Variants in SNX29 observed in about 807,000 individuals in gnomAD.
SNX29 encodes sorting nexin-29.
SNX29 carries 78 observed loss-of-function variants against 102.1 expected under a neutral mutation model. That is an observed-to-expected ratio of 0.76 (90% CI 0.64 to 0.92). The LOEUF (loss-of-function observed/expected upper bound fraction) is 0.92. SNX29 is among the 40% of genes least tolerant of loss of function. SNX29 has a pLI of 0.00. For missense variants in SNX29, 1,280 were observed against 1,061.7 expected (o/e 1.21, Z -2.86); for synonymous variants, 580 against 414.5 (o/e 1.40, Z -4.85).
chr16:12,556,149 T>C (rs890975181), intron 20 of SNX29, among the ~76,000 whole-genome samples: 6 of 152,024 alleles, frequency 3.9e-5, no homozygotes, highest in African/African-American at 1.4e-4. Flanking sequence ...GTTGGAGTGG[T>C]TAAATCGCTT....
At chr16:12,475,188 T>C (rs1398612136) in intron 18 of SNX29, among the ~76,000 whole-genome samples, 1 of 152,210 alleles carries the variant, frequency 6.6e-6, no homozygotes, top group Admixed American at 6.5e-5. Context: ...GTTTGTGCAT[T>C]ACATCAGGGG....
intron 20 of SNX29, among the ~76,000 whole-genome samples, chr16:12,534,325 C>T (rs973963214): frequency 6.6e-6 from 1 of 152,230 alleles, no homozygotes; most frequent in Non-Finnish European, 1.5e-5. Context: ...GCCTCTGTGC[C>T]CAGCCAAATG....
intron 18 of SNX29, among the ~76,000 whole-genome samples, chr16:12,418,750 A>G (rs2084752044): frequency 6.6e-6 from 1 of 152,094 alleles, no homozygotes; most frequent in African/African-American, 2.4e-5. Context: ...CCTAACCTCA[A>G]GTGATCCACC....
chr16:12,207,548 T>G (rs913238806), intron 14 of SNX29, among the ~76,000 whole-genome samples: 1 of 152,100 alleles, frequency 6.6e-6, no homozygotes, highest in African/African-American at 2.4e-5. Flanking sequence ...CCGCAGTGTC[T>G]CGCTCTCACT....
At chr16:12,198,568 AG>A (rs1314858112) in intron 13 of SNX29, among the ~76,000 whole-genome samples, 5 of 152,200 alleles carry the variant, frequency 3.3e-5, no homozygotes, top group Non-Finnish European at 5.9e-5. Context: ...CCTGAGGTGT[AG>A]GGGGTGGGGC....
chr16:12,029,662 G>C (rs1227679606), intron 4 of SNX29: 2 of 450,874 alleles, frequency 4.4e-6, no homozygotes, highest in Admixed American at 4.8e-5. Flanking sequence ...CATGATCTCA[G>C]CTCACTGCAA....
chr16:12,435,876 T>C (rs552452191), intron 18 of SNX29, among the ~76,000 whole-genome samples: 1 of 152,292 alleles, frequency 6.6e-6, no homozygotes, highest in African/African-American at 2.4e-5. Flanking sequence ...CAGGGCATCC[T>C]GAGAGAGGGG....
chr16:12,537,964 A>T (rs2077150535), intron 20 of SNX29, among the ~76,000 whole-genome samples: 1 of 141,992 alleles, frequency 7.0e-6, no homozygotes, highest in South Asian at 2.4e-4. Flanking sequence ...CAGCCTGGGC[A>T]ATAGAGCAAA....
intron 14 of SNX29, among the ~76,000 whole-genome samples, chr16:12,207,453 T>A (rs1376999181): frequency 6.6e-6 from 1 of 152,204 alleles, no homozygotes; most frequent in Non-Finnish European, 1.5e-5. Context: ...CCAGTGCCTT[T>A]ACTGTGCCCC....
At chr16:12,042,138 C>G (rs1419866261) in intron 4 of SNX29, among the ~76,000 whole-genome samples, 1 of 152,152 alleles carries the variant, frequency 6.6e-6, no homozygotes, top group Non-Finnish European at 1.5e-5. Context: ...TTAAGTGATT[C>G]TCCTGCCTCA....
At chr16:12,041,890 T>C (rs926280398) in intron 4 of SNX29, among the ~76,000 whole-genome samples, 8 of 152,214 alleles carry the variant, frequency 5.3e-5, no homozygotes, top group African/African-American at 1.9e-4. Flanking sequence ...ACAGCAAATG[T>C]TGATTTTTTT....
intron 11 of SNX29, among the ~76,000 whole-genome samples, chr16:12,095,604 A>T (rs1427248520): frequency 2.0e-5 from 3 of 152,070 alleles, no homozygotes; most frequent in Non-Finnish European, 4.4e-5. Flanking sequence ...TCTAAAAGGG[A>T]ATTTGCAGCT....
At chr16:12,037,164 A>G (rs749993383) in intron 4 of SNX29, among the ~76,000 whole-genome samples, 2 of 152,196 alleles carry the variant, frequency 1.3e-5, no homozygotes, top group Admixed American at 1.3e-4. Flanking sequence ...TTTGTGAGCC[A>G]TGCGATCTCT....
intron 20 of SNX29, among the ~76,000 whole-genome samples, chr16:12,550,665 A>G (rs528298271): frequency 6.6e-6 from 1 of 152,290 alleles, no homozygotes; most frequent in African/African-American, 2.4e-5. Flanking sequence ...TGGAGGACCA[A>G]GGTGGGAAGA....
intron 7 of SNX29, among the ~76,000 whole-genome samples, chr16:12,049,114 T>G (rs1381085654): frequency 6.6e-6 from 1 of 152,154 alleles, no homozygotes; most frequent in African/African-American, 2.4e-5. Flanking sequence ...CCATTGGTCT[T>G]GCCTCTGACT....
chr16:12,019,530 A>C (rs1420007624), intron 3 of SNX29, among the ~76,000 whole-genome samples: 2 of 151,774 alleles, frequency 1.3e-5, no homozygotes, highest in East Asian at 3.9e-4. Flanking sequence ...TCTTTCACCA[A>C]GTGGCTCTTA....
At chr16:12,247,057 T>A (rs187873048) in intron 14 of SNX29, among the ~76,000 whole-genome samples, 1 of 152,246 alleles carries the variant, frequency 6.6e-6, no homozygotes, top group Admixed American at 6.5e-5. Context: ...TTGATCTTTA[T>A]CCTAAGAAAG....
intron 20 of SNX29, among the ~76,000 whole-genome samples, chr16:12,562,659 G>A (rs919460346): frequency 1.7e-4 from 26 of 152,232 alleles, no homozygotes; most frequent in Admixed American, 5.2e-4. Context: ...GTTTTATGTC[G>A]GGAAAGTCTA....
At chr16:12,279,671 C>A (rs993743135) in intron 15 of SNX29, among the ~76,000 whole-genome samples, 2 of 152,210 alleles carry the variant, frequency 1.3e-5, no homozygotes, top group East Asian at 1.9e-4. Flanking sequence ...AGGATTCGAA[C>A]CCCTGAAAGG....
Sources: gnomAD v4.1 joint callset for allele counts (sites outside exome capture counted in the v4.1 genomes callset) on GRCh38, gnomAD v4.1.1 for gene constraint, MANE v1.5 for transcripts, NCBI Gene and HGNC (gene_info 2026-07-23, HGNC 2026-07-21) for gene names.